Variants in VDAC1 observed in about 807,000 individuals in gnomAD.
The protein encoded by VDAC1 is non-selective voltage-gated ion channel VDAC1.
Under a neutral mutation model 34.7 loss-of-function variants are expected in VDAC1, and 10 were observed. The ratio of observed to expected loss-of-function variants is 0.29; its 90% CI spans 0.18 to 0.49. The LOEUF (loss-of-function observed/expected upper bound fraction) is 0.49, where lower values mean the gene tolerates loss of function less well. Among genes scored for constraint, VDAC1 ranks in the 20% least tolerant of loss-of-function variants. VDAC1 has a pLI of 0.99. For missense variants in VDAC1, 230 were observed against 347.9 expected (o/e 0.66, Z 2.69); for synonymous variants, 130 against 136.0 (o/e 0.96, Z 0.30).
chr5:133,977,907 AT>A (rs1466364506), intron 6 of VDAC1, among the ~76,000 whole-genome samples: 2 of 152,110 alleles, frequency 1.3e-5, no homozygotes, highest in Non-Finnish European at 2.9e-5. Flanking sequence ...TAATGCTGCA[AT>A]TTTTTAAAAA....
At chr5:133,999,300 G>A (rs1024912739) in intron 1 of VDAC1, among the ~76,000 whole-genome samples, 2 of 152,216 alleles carry the variant, frequency 1.3e-5, no homozygotes, top group Non-Finnish European at 2.9e-5. Flanking sequence ...CAGCTGGGAG[G>A]AAAGGCCTTA....
At chr5:134,078,467 C>A in the VDAC1 span, among the ~76,000 whole-genome samples, 1 of 151,964 alleles carries the variant, frequency 6.6e-6, no homozygotes, top group Admixed American at 6.6e-5. Context: ...TTTAGGGACC[C>A]GCCACCGCAA....
the VDAC1 span, among the ~76,000 whole-genome samples, chr5:134,071,233 G>A: frequency 1.3e-5 from 2 of 152,212 alleles, no homozygotes; most frequent in African/African-American, 4.8e-5. This position sits in a 1 kb window ranked among gnomAD's most constrained non-coding sequence, Gnocchi z 4.1. Context: ...CTTGGAAGGC[G>A]CTCAGCCACT....
At chr5:133,987,980 G>A (rs1204746561) in intron 5 of VDAC1, among the ~76,000 whole-genome samples, 1 of 152,100 alleles carries the variant, frequency 6.6e-6, no homozygotes, top group Non-Finnish European at 1.5e-5. Flanking sequence ...CAAACTGAGG[G>A]ACATCTTAAC....
chr5:134,102,264 C>T, the VDAC1 span, among the ~76,000 whole-genome samples: 5 of 152,098 alleles, frequency 3.3e-5, no homozygotes, highest in Non-Finnish European at 4.4e-5. Flanking sequence ...CAGGGTCATC[C>T]GGGGCCAGTG....
chr5:134,103,203 C>A, the VDAC1 span, among the ~76,000 whole-genome samples: 1 of 152,180 alleles, frequency 6.6e-6, no homozygotes, highest in African/African-American at 2.4e-5. Context: ...CTAACTGTAG[C>A]CTCCACCTCC....
intron 1 of VDAC1, among the ~76,000 whole-genome samples, chr5:133,996,928 C>G (rs1305215712): frequency 6.6e-6 from 1 of 152,084 alleles, no homozygotes; most frequent in Non-Finnish European, 1.5e-5. Context: ...CCACCTCGGC[C>G]TAAGGAGAGC....
chr5:134,054,832 C>A, the VDAC1 span, among the ~76,000 whole-genome samples: 1 of 152,278 alleles, frequency 6.6e-6, no homozygotes, highest in African/African-American at 2.4e-5. Flanking sequence ...CCTGACGAAC[C>A]ACTTACCACA....
At chr5:134,068,966 CTGTGTGTGTGTG>C in the VDAC1 span, among the ~76,000 whole-genome samples, 15 of 136,610 alleles carry the variant, frequency 1.1e-4, no homozygotes, top group African/African-American at 3.9e-4. Context: ...TGGGAGGTGA[CTGTGTGTGTGTG>C]TGTGTGTGTG....
the VDAC1 span, among the ~76,000 whole-genome samples, chr5:134,082,505 T>C: frequency 2.0e-5 from 3 of 152,264 alleles, no homozygotes; most frequent in East Asian, 3.8e-4. Context: ...AGCTTTGGGC[T>C]ATTATAAATA....
At chr5:134,102,199 G>C in the VDAC1 span, among the ~76,000 whole-genome samples, 1 of 152,104 alleles carries the variant, frequency 6.6e-6, no homozygotes, top group Admixed American at 6.5e-5. Flanking sequence ...CGCCGCTCTG[G>C]GGGGACTCTG....
At position 133,994,557 on chromosome 5, in the gene VDAC1, C is replaced by T. The variant is rs573391081; in HGVS notation, c.-6-1539G>A. ...TTTCCAGTCTGGGGGCTCCCCTCTC[C>T]CCACTTGTTCCTCCCTCCCAAACTA... On this transcript the variant is annotated intron_variant, in intron 1 of 8. Coordinates refer to ENST00000265333, the MANE Select transcript of VDAC1 (RefSeq NM_003374.3). Among the ~76,000 whole-genome samples, 3 of 152,230 alleles carry T rather than the reference C, an allele frequency of 2.0e-5. No individual in the cohort carries two copies. The South Asian group carries it at 6.2e-4, about 32-fold the overall frequency.
the VDAC1 span, among the ~76,000 whole-genome samples, chr5:134,031,007 C>T: frequency 6.6e-6 from 1 of 152,156 alleles, no homozygotes; most frequent in Non-Finnish European, 1.5e-5. Flanking sequence ...GACCCAACAA[C>T]AGTAATGTTA....
the VDAC1 span, among the ~76,000 whole-genome samples, chr5:134,093,377 A>G: frequency 6.6e-6 from 1 of 151,242 alleles, no homozygotes; most frequent in Non-Finnish European, 1.5e-5. Flanking sequence ...GTGTGTGTCC[A>G]GAATGGCCCA....
the VDAC1 span, among the ~76,000 whole-genome samples, chr5:134,039,485 C>T: frequency 4.4e-4 from 65 of 146,606 alleles, no homozygotes; most frequent in East Asian, 0.012. Context: ...CCTGCCACCA[C>T]GCCCGGCTAA....
the VDAC1 span, among the ~76,000 whole-genome samples, chr5:134,025,745 A>G: frequency 6.6e-6 from 1 of 151,856 alleles, no homozygotes. Context: ...GCACACCACC[A>G]TGCCCAGCTA....
chr5:134,092,717 C>T, the VDAC1 span, among the ~76,000 whole-genome samples: 4 of 152,028 alleles, frequency 2.6e-5, no homozygotes, highest in African/African-American at 9.7e-5. Context: ...CTTGGGTGAC[C>T]TCTGACACTG....
the VDAC1 span, among the ~76,000 whole-genome samples, chr5:134,074,906 G>C: frequency 1.9e-3 from 287 of 152,198 alleles, no homozygotes; most frequent in Non-Finnish European, 3.2e-3. Flanking sequence ...CAGAGCAAAT[G>C]GCACAGTCAT....
chr5:134,063,015 T>C, the VDAC1 span, among the ~76,000 whole-genome samples: 3 of 152,244 alleles, frequency 2.0e-5, no homozygotes, highest in South Asian at 4.1e-4. Flanking sequence ...CCTAGGCCTA[T>C]AGTTTCCCAG....
Sources: allele counts gnomAD v4.1 joint callset (sites outside exome capture counted in the v4.1 genomes callset), GRCh38; gene constraint gnomAD v4.1.1; non-coding constraint Gnocchi (gnomAD v3.1); transcripts MANE v1.5; gene names NCBI Gene and HGNC (gene_info 2026-07-23, HGNC 2026-07-21).